SPTBN4: variants seen among roughly 807,000 people sequenced by gnomAD.
SPTBN4 encodes the protein spectrin beta chain, non-erythrocytic 4.
SPTBN4 carries 96 observed loss-of-function variants against 277.8 expected under a neutral mutation model. That is an observed-to-expected ratio of 0.35 (90% confidence interval 0.29 to 0.41). SPTBN4 has a LOEUF of 0.41. SPTBN4 is among the 10% of genes least tolerant of loss of function. SPTBN4 has a pLI of 1.00. For synonymous variants in SPTBN4, 1,481 were observed against 1,580.3 expected, an observed-to-expected ratio of 0.94 and a Z score of 1.49; for missense variants, 3,006 against 3,595.7, an observed-to-expected ratio of 0.84 and a Z score of 4.19.
Position 40,510,299 on chromosome 19 carries a change from T to TG in SPTBN4, c.1817-2307_1817-2306insG, listed in dbSNP as rs529372084. Among the ~76,000 whole-genome samples the TG allele has an allele frequency of 2.6e-5, 4 of 152,068 alleles. No individual in the cohort carries two copies. In the South Asian group the frequency reaches 6.2e-4, roughly 24 times the overall value. On this transcript the variant is annotated intron_variant, in intron 13 of 35. Coordinates refer to ENST00000598249, the MANE Select transcript of SPTBN4 (RefSeq NM_020971.3). Reference sequence around the variant, plus strand: ...CTGGGTACATGGAAGCTGTTTTTTTTTTGTTGTTGTTGTTTTGTTTTCTAA... The same window carrying TG: ...CTGGGTACATGGAAGCTGTTTTTTTTGTTGTTGTTGTTGTTTTGTTTTCTAA...
rs191935023 is a variant in SPTBN4, at chr19:40,478,694, C to T, written c.169+5904C>T. Among the ~76,000 whole-genome samples, 20 of 152,142 alleles carry T rather than the reference C, an allele frequency of 1.3e-4. No homozygotes were observed. In the South Asian group the frequency reaches 1.5e-3, roughly 11 times the overall value. ...CCGAGTAGTTGGTATTACAGGCGCC[C>T]GTCACCACGCCCAGCTAATATTTTG... On this transcript the variant is annotated intron_variant, in intron 2 of 35. Coordinates refer to ENST00000598249, the MANE Select transcript of SPTBN4 (RefSeq NM_020971.3).
intron 20 of SPTBN4, among the ~76,000 whole-genome samples, chr19:40,538,282 G>T (rs1050143069): frequency 1.3e-5 from 2 of 151,934 alleles, no homozygotes; most frequent in Non-Finnish European, 2.9e-5. Context: ...CCAGCTACTC[G>T]GGAGGCTGGG....
intron 3 of SPTBN4, among the ~76,000 whole-genome samples, chr19:40,489,300 G>A (rs1307615026): frequency 2.0e-5 from 3 of 152,048 alleles, no homozygotes; most frequent in Non-Finnish European, 4.4e-5. Context: ...AAGGGGAAGA[G>A]CACTGGGGCA....
At chr19:40,494,171 AG>A (rs1392295051) in intron 5 of SPTBN4, among the ~76,000 whole-genome samples, 11 of 152,016 alleles carry the variant, frequency 7.2e-5, no homozygotes, top group African/African-American at 2.7e-4. Flanking sequence ...TGTGGGATGG[AG>A]GTGGGCTTCT....
At chr19:40,471,204 CA>C (rs1288934145) in intron 1 of SPTBN4, among the ~76,000 whole-genome samples, 1 of 152,126 alleles carries the variant, frequency 6.6e-6, no homozygotes, top group African/African-American at 2.4e-5. Flanking sequence ...ATCTCAGCCC[CA>C]AAAAGTGCTG....
intron 2 of SPTBN4, among the ~76,000 whole-genome samples, chr19:40,473,879 C>T (rs942170667): frequency 2.6e-5 from 4 of 151,644 alleles, no homozygotes; most frequent in African/African-American, 7.3e-5. Context: ...CGGTGGCTCA[C>T]GCCTGTAATC....
In SPTBN4 at chr19:40,560,292, G is replaced by A. The variant is rs138559981; in HGVS notation, c.5804G>A (p.Arg1935His). The A allele has an allele frequency of 3.5e-5, 56 of 1,613,936 alleles. No individual in the cohort carries two copies. The Admixed American group carries it at 4.5e-4, about 13-fold the overall frequency. The change falls in exon 27 of 36, where the codon CGC becomes CAC. Residue 1935 changes from arginine to histidine, a missense_variant. Arg to His is a conservative substitution (Grantham distance 29, BLOSUM62 0). Coordinates refer to ENST00000598249, the MANE Select transcript of SPTBN4 (RefSeq NM_020971.3). The surrounding 1 kb of genome is among the most constrained non-coding windows in gnomAD (Gnocchi z 5.2). The stretch of plus-strand genomic sequence containing the variant: ...CTGCTGTCAGCCTGTGAGGATGCCC[G>A]CCTGCATGTCAGCTCCACAGCCGAC... The part of the protein sequence containing the change: ...KELLSACEDA[R>H]LHVSSTADAL...
rs1446782110 is a variant in SPTBN4, at chr19:40,554,798, C to T, written c.5084+152C>T. On this transcript the variant is annotated intron_variant, in intron 24 of 35. Coordinates refer to ENST00000598249, the MANE Select transcript of SPTBN4 (RefSeq NM_020971.3). The surrounding 1 kb of genome is among the most constrained non-coding windows in gnomAD (Gnocchi z 5.7). The stretch of plus-strand genomic sequence containing the variant: ...CCTCGAATTTGGCAAGTGGGCGGGC[C>T]GGAATGGGGGGACACGGCTCAGGGA... 1 of 1,216,690 alleles carries T rather than the reference C, an allele frequency of 8.2e-7. No homozygotes were observed. Among genetic ancestry groups the T allele is most frequent in the Non-Finnish European group, 1.2e-6 (1 of 868,114 alleles). The allele number at this position is 1,216,690 out of a possible 1,614,324, so 75.4% of individuals were successfully genotyped here. A position where few individuals can be genotyped will look rare whatever the true frequency, so the allele number is the denominator to read the frequency against.
chr19:40,477,084 G>C (rs140618825), intron 2 of SPTBN4, among the ~76,000 whole-genome samples: 1 of 150,790 alleles, frequency 6.6e-6, no homozygotes, highest in African/African-American at 2.4e-5. Flanking sequence ...CTGCTGCCAG[G>C]CTGGAGTGTG....
chr19:40,536,925 A>G (rs145280497), intron 20 of SPTBN4, among the ~76,000 whole-genome samples: 8 of 151,886 alleles, frequency 5.3e-5, no homozygotes, highest in African/African-American at 1.7e-4. Context: ...AGCTGGGACT[A>G]CGGACCCACA....
chr19:40,495,337 C>T (rs1021726698), intron 6 of SPTBN4, among the ~76,000 whole-genome samples: 2 of 152,132 alleles, frequency 1.3e-5, no homozygotes, highest in African/African-American at 4.8e-5. Flanking sequence ...CCAGCACCTC[C>T]TCCTATCAGA....
At chr19:40,537,267 C>T (rs907321242) in intron 20 of SPTBN4, among the ~76,000 whole-genome samples, 1 of 152,160 alleles carries the variant, frequency 6.6e-6, no homozygotes, top group African/African-American at 2.4e-5. Flanking sequence ...GCCTTGGCCT[C>T]CCAAAGTGCT....
intron 20 of SPTBN4, among the ~76,000 whole-genome samples, chr19:40,538,861 A>G (rs750349708): frequency 1.3e-4 from 20 of 152,206 alleles, no homozygotes; most frequent in Non-Finnish European, 2.6e-4. Context: ...AAGTGCTGGG[A>G]TTACAGGGGT....
intron 2 of SPTBN4, among the ~76,000 whole-genome samples, chr19:40,486,506 A>T (rs758645196): frequency 6.6e-6 from 1 of 151,858 alleles, no homozygotes; most frequent in Non-Finnish European, 1.5e-5. Flanking sequence ...AGGAGATGGG[A>T]CTACAGGGGC....
At chr19:40,524,664 C>T in intron 17 of SPTBN4, 1 of 452,118 alleles carries the variant, frequency 2.2e-6, no homozygotes, top group South Asian at 1.6e-5. Context: ...ACAGTGTCCC[C>T]TGCCAGGCTG....
At position 40,492,388 on chromosome 19, in the gene SPTBN4, G is replaced by C. The variant is rs552283161; in HGVS notation, c.496-575G>C. Among the ~76,000 whole-genome samples the C allele has an allele frequency of 5.3e-5, 8 of 152,252 alleles. No individual in the cohort carries two copies. The South Asian group carries it at 6.2e-4, about 12-fold the overall frequency. ...GGACATTGGAGTTGGGGATGTTCCA[G>C]GTAGATGGAACAGCCAGTGCTAAAG... is the stretch of plus-strand genomic sequence containing the variant. On this transcript the variant is annotated intron_variant, in intron 4 of 35. Transcript: ENST00000598249.
At chr19:40,479,753 C>G (rs2079989119) in intron 2 of SPTBN4, among the ~76,000 whole-genome samples, 1 of 145,160 alleles carries the variant, frequency 6.9e-6, no homozygotes, top group South Asian at 2.2e-4. Flanking sequence ...GCAGATAAAT[C>G]ATGCCAATAT....
intron 16 of SPTBN4, among the ~76,000 whole-genome samples, chr19:40,521,580 T>G (rs2080527192): frequency 6.6e-6 from 1 of 152,082 alleles, no homozygotes; most frequent in African/African-American, 2.4e-5. Flanking sequence ...CCTATGAGAA[T>G]GTAAAGCTGC....
chr19:40,549,675 A>G (rs2080896463), intron 21 of SPTBN4, among the ~76,000 whole-genome samples: 1 of 152,030 alleles, frequency 6.6e-6, no homozygotes. Context: ...TTACTTAACT[A>G]TTCATTCATT....
Sources: gnomAD v4.1 joint callset for allele counts (sites outside exome capture counted in the v4.1 genomes callset) on GRCh38, gnomAD v4.1.1 for gene constraint, Gnocchi (gnomAD v3.1) non-coding constraint, MANE v1.5 for transcripts, NCBI Gene and HGNC (gene_info 2026-07-23, HGNC 2026-07-21) for gene names.